CELF2: variants seen among roughly 807,000 people sequenced by gnomAD.
The protein encoded by CELF2 is CUG triplet repeat RNA-binding protein 2.
In CELF2, 8 loss-of-function variants were observed where a neutral mutation model predicts 62.6. The ratio of observed to expected loss-of-function variants is 0.13; its 90% CI spans 0.07 to 0.23. CELF2 has a LOEUF of 0.23. Among genes scored for constraint, CELF2 ranks in the 10% least tolerant of loss-of-function variants. The pLI is 1.00. For synonymous variants in CELF2, 258 were observed against 250.0 expected (o/e 1.03, Z -0.30); for missense variants, 333 against 671.0 (o/e 0.50, Z 5.56).
chr10:11,049,682 A>C (rs111760946), intron 1 of CELF2, among the ~76,000 whole-genome samples: 2 of 152,066 alleles, frequency 1.3e-5, no homozygotes, highest in African/African-American at 4.8e-5. Flanking sequence ...TGGACTAGAA[A>C]GGGCCATAGA....
the CELF2 span, among the ~76,000 whole-genome samples, chr10:10,509,178 A>G: frequency 2.0e-5 from 3 of 152,106 alleles, no homozygotes; most frequent in South Asian, 4.2e-4. Context: ...CAGGTACTGG[A>G]AGGATCATAA....
the CELF2 span, among the ~76,000 whole-genome samples, chr10:10,653,114 C>A: frequency 1.3e-5 from 2 of 152,072 alleles, no homozygotes; most frequent in African/African-American, 4.8e-5. Context: ...TCAAAAGAGA[C>A]AAAGAAGGCC....
At chr10:10,535,517 A>T in the CELF2 span, among the ~76,000 whole-genome samples, 1 of 152,154 alleles carries the variant, frequency 6.6e-6, no homozygotes, top group African/African-American at 2.4e-5. Context: ...CAGGAGTTCA[A>T]GACCACCCTG....
chr10:10,727,701 A>G, the CELF2 span, among the ~76,000 whole-genome samples: 3 of 151,736 alleles, frequency 2.0e-5, no homozygotes, highest in African/African-American at 7.3e-5. Flanking sequence ...GCATGAACCC[A>G]AGAGGCGGAT....
chr10:11,078,335 T>G (rs2072797389), intron 1 of CELF2, among the ~76,000 whole-genome samples: 1 of 152,176 alleles, frequency 6.6e-6, no homozygotes, highest in African/African-American at 2.4e-5. Context: ...TTCATAAACT[T>G]ATGCTTTGCT....
At chr10:10,509,971 T>C in the CELF2 span, among the ~76,000 whole-genome samples, 1,400 of 152,294 alleles carry the variant, frequency 9.2e-3, 17 homozygotes, top group African/African-American at 0.032. Context: ...GTGCTCTTTC[T>C]ACAACCAAGG....
At chr10:10,952,835 T>A (rs2048473315) in intron 2 of CELF2, among the ~76,000 whole-genome samples, 1 of 152,202 alleles carries the variant, frequency 6.6e-6, no homozygotes, top group African/African-American at 2.4e-5. Flanking sequence ...AGATAAATGA[T>A]GCCTGACTGT....
At chr10:10,756,298 A>C in the CELF2 span, among the ~76,000 whole-genome samples, 2 of 152,340 alleles carry the variant, frequency 1.3e-5, no homozygotes, top group East Asian at 3.9e-4. Context: ...AAATGTGTTT[A>C]AGAAAATTTA....
In CELF2 at chr10:11,296,107, CGGGTGCCTTCATCCCCG is replaced by C. The variant is rs2093149635; in HGVS notation, c.976+7558_976+7574del. On this transcript the variant is annotated intron_variant, in intron 9 of 12. Coordinates refer to ENST00000633077, the MANE Select transcript of CELF2 (RefSeq NM_001326342.2). The surrounding 1 kb of genome is among the most constrained non-coding windows in gnomAD (Gnocchi z 5.0). Reference sequence around the variant, plus strand: ...CACCTGTGCCCTGAGCTCTCCTTGGCGGGTGCCTTCATCCCCGGGATGGACAGATCCTCGCGTGCATC... The same window carrying C: ...CACCTGTGCCCTGAGCTCTCCTTGGCGGATGGACAGATCCTCGCGTGCATC... Among the ~76,000 whole-genome samples, 1 of 152,180 alleles carries C rather than the reference CGGGTGCCTTCATCCCCG, an allele frequency of 6.6e-6. No homozygotes were observed. The highest frequency in any genetic ancestry group is 1.5e-5 in the Non-Finnish European group (1 of 68,024).
chr10:10,637,524 A>T, the CELF2 span, among the ~76,000 whole-genome samples: 1 of 152,196 alleles, frequency 6.6e-6, no homozygotes, highest in Non-Finnish European at 1.5e-5. Context: ...GGAGATGAGG[A>T]AAGAGCCTGG....
At position 11,336,112 on chromosome 10, in the gene CELF2, C is replaced by G. The variant is rs950912912; in HGVS notation, c.*7059C>G. ...GATGGAAGCCACACACGCTGCCCAG[C>G]CCACAGCAGTCGCACGCAGCCGATG... On this transcript the variant is annotated 3_prime_UTR_variant, in exon 13 of 13. Transcript: ENST00000633077. The surrounding 1 kb of genome is among the most constrained non-coding windows in gnomAD (Gnocchi z 5.4). The G allele has an allele frequency of 3.0e-4, 46 of 152,834 alleles. 1 individual carries two copies. Among genetic ancestry groups the G allele is most frequent in the South Asian group, 4.1e-4 (2 of 4,824 alleles). 9.5% of individuals were successfully genotyped at this position (152,834 alleles called of 1,614,324 possible).
intron 1 of CELF2, among the ~76,000 whole-genome samples, chr10:10,910,349 A>C (rs886274051): frequency 2.0e-5 from 3 of 152,172 alleles, no homozygotes; most frequent in Admixed American, 6.5e-5. Flanking sequence ...ATTTGAAAAA[A>C]ATACACTTCT....
At chr10:11,055,001 C>T (rs932299197) in intron 1 of CELF2, among the ~76,000 whole-genome samples, 1 of 152,252 alleles carries the variant, frequency 6.6e-6, no homozygotes. Flanking sequence ...AGGCTTGCGC[C>T]ACCGCACCCG....
Position 10,928,591 on chromosome 10 carries a change from G to A in CELF2, c.89+8592G>A, listed in dbSNP as rs57537492. On this transcript the variant is annotated intron_variant, in intron 2 of 13. Transcript: ENST00000636488. This position sits in a 1 kb window ranked among gnomAD's most constrained non-coding sequence, Gnocchi z 4.8. ...ACAGTTGAGTAGCTGTGGCAGAGAC[G>A]GTATAGCCCCCAAACTGAAAATATT... Among the ~76,000 whole-genome samples the A allele has an allele frequency of 9.0e-3, 1,372 of 152,194 alleles. 16 individuals carry two copies. Among genetic ancestry groups the A allele is most frequent in the African/African-American group, 0.032 (1,309 of 41,514 alleles).
chr10:10,616,508 G>A, the CELF2 span, among the ~76,000 whole-genome samples: 306 of 152,058 alleles, frequency 2.0e-3, 8 homozygotes, highest in East Asian at 0.051. Flanking sequence ...ACAAATAATC[G>A]TTGGATGTAT....
Position 10,994,641 on chromosome 10 carries a change from G to C in CELF2, c.89+74642G>C, listed in dbSNP as rs139977877. 9.1e-4 allele frequency among the ~76,000 whole-genome samples: 138 copies of C among 152,278 alleles called. 2 individuals are homozygous for C. The East Asian group carries it at 0.025, about 27-fold the overall frequency. On this transcript the variant is annotated intron_variant, in intron 2 of 13. Transcript: ENST00000636488. ...CCTGTTGTGAACAGCACATGCAAGG[G>C]ATCTAGGTTGTATGCTCCTTATGAG...
rs947486513 is a variant in CELF2 at position 11,318,135 on chromosome 10, G to A, written c.1097-3054G>A. On this transcript the variant is annotated intron_variant, in intron 10 of 12. Coordinates refer to ENST00000633077, the MANE Select transcript of CELF2 (RefSeq NM_001326342.2). The surrounding 1 kb of genome is among the most constrained non-coding windows in gnomAD (Gnocchi z 5.4). ...GAATTAATCTAGAACAACATCAGGT[G>A]ACTCACAGGAACTGTTCTCAGAAGT... 2 of 152,536 alleles carry A rather than the reference G, an allele frequency of 1.3e-5. No homozygotes were observed. The highest frequency in any genetic ancestry group is 4.8e-5 in the African/African-American group (2 of 41,438). The allele number at this position is 152,536 out of a possible 1,614,324, so 9.4% of individuals were successfully genotyped here. A position where few individuals can be genotyped will look rare whatever the true frequency, so the allele number is the denominator to read the frequency against.
chr10:10,817,793 A>T (rs2056606020), intron 1 of CELF2, among the ~76,000 whole-genome samples: 1 of 152,214 alleles, frequency 6.6e-6, no homozygotes, highest in South Asian at 2.1e-4. Context: ...AGAAGCAATA[A>T]CATCATTATG....
chr10:11,235,131 CAT>C (rs1237720116), intron 3 of CELF2, among the ~76,000 whole-genome samples: 1 of 151,932 alleles, frequency 6.6e-6, no homozygotes, highest in Non-Finnish European at 1.5e-5. Flanking sequence ...AAAAAACAAA[CAT>C]AAAGACAAAA....
Sources: allele counts gnomAD v4.1 joint callset (sites outside exome capture counted in the v4.1 genomes callset), GRCh38; gene constraint gnomAD v4.1.1; non-coding constraint Gnocchi (gnomAD v3.1); transcripts MANE v1.5; gene names NCBI Gene and HGNC (gene_info 2026-07-23, HGNC 2026-07-21).